Variants in ATP8A2 observed in about 807,000 individuals in gnomAD.
ATP8A2 encodes the protein ATPase phospholipid transporting 8A2.
ATP8A2 carries 100 observed loss-of-function variants against 165.6 expected under a neutral mutation model. The ratio of observed to expected loss-of-function variants is 0.60; its 90% confidence interval spans 0.51 to 0.71. The LOEUF (loss-of-function observed/expected upper bound fraction) is 0.71. Ranked by LOEUF, ATP8A2 falls within the 30% of genes least tolerant of loss-of-function variation. The probability of loss-of-function intolerance (pLI) is 0.00; values close to 1 mark genes in which losing one functional copy is unlikely to be tolerated. For synonymous variants in ATP8A2, 543 were observed against 548.8 expected (o/e 0.99, Z 0.15); for missense variants, 1,227 against 1,479.5 (o/e 0.83, Z 2.80).
At chr13:25,588,544 C>G (rs2039984371) in intron 23 of ATP8A2, among the ~76,000 whole-genome samples, 1 of 152,194 alleles carries the variant, frequency 6.6e-6, no homozygotes, top group South Asian at 2.1e-4. Context: ...TTACTCCTCC[C>G]CCTGGCTGTA....
intron 24 of ATP8A2, among the ~76,000 whole-genome samples, chr13:25,694,040 T>C (rs962839405): frequency 2.0e-5 from 3 of 152,198 alleles, no homozygotes; most frequent in African/African-American, 7.2e-5. Flanking sequence ...AATTTTTTTG[T>C]ATTTTTTGTA....
intron 33 of ATP8A2, among the ~76,000 whole-genome samples, chr13:25,893,136 G>C (rs1593516398): frequency 6.6e-6 from 1 of 151,028 alleles, no homozygotes; most frequent in Middle Eastern, 3.4e-3. Context: ...TGCCATATTG[G>C]TGTGCTGCAC....
chr13:25,683,704 T>TA (rs901945482), intron 24 of ATP8A2, among the ~76,000 whole-genome samples: 10 of 151,902 alleles, frequency 6.6e-5, no homozygotes, highest in African/African-American at 1.2e-4. Context: ...TTTTTTTTTT[T>TA]ATTATGAGTC....
chr13:25,980,892 AG>A (rs1365613115), intron 35 of ATP8A2, among the ~76,000 whole-genome samples: 1 of 152,212 alleles, frequency 6.6e-6, no homozygotes, highest in African/African-American at 2.4e-5. Context: ...CTAAAAATAA[AG>A]AAAAAGTTAA....
At chr13:25,735,957 A>G (rs2043759279) in intron 25 of ATP8A2, among the ~76,000 whole-genome samples, 1 of 152,182 alleles carries the variant, frequency 6.6e-6, no homozygotes, top group African/African-American at 2.4e-5. Flanking sequence ...TAAGTGCTCT[A>G]TACGCGACTA....
intron 25 of ATP8A2, among the ~76,000 whole-genome samples, chr13:25,766,784 A>C (rs1197117401): frequency 6.6e-6 from 1 of 152,242 alleles, no homozygotes; most frequent in Non-Finnish European, 1.5e-5. Flanking sequence ...GTCTGATGGC[A>C]TGCATTACTC....
chr13:26,019,216 A>C (rs1957045077), intron 36 of ATP8A2, among the ~76,000 whole-genome samples: 1 of 151,924 alleles, frequency 6.6e-6, no homozygotes, highest in Non-Finnish European at 1.5e-5. Context: ...CAACATGGTG[A>C]AACCCCGTCT....
intron 24 of ATP8A2, among the ~76,000 whole-genome samples, chr13:25,666,312 T>A (rs1304331980): frequency 1.3e-5 from 2 of 152,056 alleles, no homozygotes; most frequent in African/African-American, 4.8e-5. Context: ...CCAGTTCAAG[T>A]GATTCTTCTG....
At chr13:25,612,909 C>T (rs1230248463) in intron 24 of ATP8A2, among the ~76,000 whole-genome samples, 1 of 152,162 alleles carries the variant, frequency 6.6e-6, no homozygotes, top group Non-Finnish European at 1.5e-5. Context: ...TCTTTTTACA[C>T]TGCGATTGCT....
chr13:25,860,503 T>C (rs1378719048), intron 31 of ATP8A2, among the ~76,000 whole-genome samples: 1 of 152,200 alleles, frequency 6.6e-6, no homozygotes. Context: ...ATGACCATTT[T>C]ACACCTACCT....
chr13:25,524,508 A>T (rs1323015184), intron 2 of ATP8A2, among the ~76,000 whole-genome samples: 1 of 152,112 alleles, frequency 6.6e-6, no homozygotes, highest in Admixed American at 6.6e-5. Context: ...TGCTTTAGAT[A>T]TATTAATGTT....
chr13:25,674,348 G>T (rs2042329814), intron 24 of ATP8A2, among the ~76,000 whole-genome samples: 2 of 152,036 alleles, frequency 1.3e-5, no homozygotes, highest in African/African-American at 2.4e-5. Context: ...ATGAAAGTGA[G>T]TGTGCAAAAT....
chr13:25,438,921 A>C (rs1364492938), intron 1 of ATP8A2, among the ~76,000 whole-genome samples: 2 of 152,240 alleles, frequency 1.3e-5, no homozygotes, highest in Non-Finnish European at 2.9e-5. Context: ...AAGGACAGGA[A>C]GACAAAATCA....
At chr13:25,779,296 G>A (rs187729905) in intron 27 of ATP8A2, among the ~76,000 whole-genome samples, 4 of 151,712 alleles carry the variant, frequency 2.6e-5, no homozygotes, top group African/African-American at 9.7e-5. Flanking sequence ...TTTCATGGTC[G>A]TGGCCAGATG....
At chr13:25,416,849 T>C (rs7986612) in intron 1 of ATP8A2, among the ~76,000 whole-genome samples, 42,579 of 151,988 alleles carry the variant, frequency 0.28, 6,246 homozygotes, top group East Asian at 0.46. Flanking sequence ...GGGAGGTACA[T>C]AAAGCAACTT....
intron 1 of ATP8A2, among the ~76,000 whole-genome samples, chr13:25,452,008 C>T (rs1488623010): frequency 2.0e-5 from 3 of 152,078 alleles, no homozygotes; most frequent in Non-Finnish European, 2.9e-5. Flanking sequence ...GCGCCTGCCA[C>T]CACACCTGGT....
chr13:25,916,289 G>C (rs934137539), intron 33 of ATP8A2, among the ~76,000 whole-genome samples: 1 of 152,226 alleles, frequency 6.6e-6, no homozygotes, highest in Non-Finnish European at 1.5e-5. Flanking sequence ...ACCTTCTGCA[G>C]TACAGCCCAC....
chr13:25,692,662 A>C (rs9578907), intron 24 of ATP8A2, among the ~76,000 whole-genome samples: 15,943 of 152,098 alleles, frequency 0.1, 964 homozygotes, highest in East Asian at 0.26. Flanking sequence ...ACCAGATGAA[A>C]CTCTGAGGAT....
chr13:25,534,729 C>T (rs1252531717), intron 6 of ATP8A2, among the ~76,000 whole-genome samples: 1 of 152,194 alleles, frequency 6.6e-6, no homozygotes, highest in Admixed American at 6.5e-5. Context: ...CTGGCATGTG[C>T]CAGAGATTGT....
Sources: allele counts gnomAD v4.1 joint callset (sites outside exome capture counted in the v4.1 genomes callset), GRCh38; gene constraint gnomAD v4.1.1; transcripts MANE v1.5; gene names NCBI Gene and HGNC (gene_info 2026-07-23, HGNC 2026-07-21).